Variants in SPTBN4 observed in about 807,000 individuals in gnomAD.
SPTBN4 encodes the protein spectrin beta, non-erythrocytic 4.
SPTBN4 carries 96 observed loss-of-function variants against 277.8 expected under a neutral mutation model. The ratio of observed to expected loss-of-function variants is 0.35; its 90% CI spans 0.29 to 0.41. The LOEUF is 0.41. Ranked by LOEUF, SPTBN4 falls within the 10% of genes least tolerant of loss-of-function variation. The probability of loss-of-function intolerance (pLI) is 1.00; values close to 1 mark genes in which losing one functional copy is unlikely to be tolerated. For missense variants in SPTBN4, 3,006 were observed against 3,595.7 expected, an observed-to-expected ratio of 0.84 and a Z score of 4.19; for synonymous variants, 1,481 against 1,580.3, an observed-to-expected ratio of 0.94 and a Z score of 1.49.
chr19:40,543,571 T>TG (rs1490090806), intron 20 of SPTBN4, among the ~76,000 whole-genome samples: 4 of 152,154 alleles, frequency 2.6e-5, no homozygotes, highest in Non-Finnish European at 5.9e-5. Context: ...TTCTTGAGTT[T>TG]GGGGTTTTGT....
Position 40,568,338 on chromosome 19 carries a change from T to TAGGA in SPTBN4, c.6956+58_6956+59insGAAG, listed in dbSNP as rs1022361174. Reference sequence around the variant, plus strand: ...AGGGGAGGGGAAAGCGGAGAGCTCCTAGAACCCCTCAGGCCCAGTGAAAGG... The same window carrying TAGGA: ...AGGGGAGGGGAAAGCGGAGAGCTCCTAGGAAGAACCCCTCAGGCCCAGTGAAAGG... On this transcript the variant is annotated intron_variant, in intron 31 of 35. Transcript: ENST00000598249. The TAGGA allele has an allele frequency of 3.3e-6, 5 of 1,516,990 alleles. No individual in the cohort carries two copies. In the Admixed American group the frequency reaches 1.1e-4, roughly 33 times the overall value. The allele number at this position is 1,516,990 out of a possible 1,614,324, so 94.0% of individuals were successfully genotyped here.
At chr19:40,468,271 T>A (rs1342028700) in intron 1 of SPTBN4, among the ~76,000 whole-genome samples, 2 of 151,460 alleles carry the variant, frequency 1.3e-5, no homozygotes, top group African/African-American at 4.9e-5. Context: ...GACATGGGGT[T>A]TCACTATGTT....
chr19:40,473,134 C>T (rs1007768826), intron 2 of SPTBN4, among the ~76,000 whole-genome samples: 1 of 152,048 alleles, frequency 6.6e-6, no homozygotes, highest in Non-Finnish European at 1.5e-5. Context: ...GCAATCTCCA[C>T]CTCACCGGCT....
At chr19:40,537,299 G>A (rs2080749752) in intron 20 of SPTBN4, among the ~76,000 whole-genome samples, 1 of 152,116 alleles carries the variant, frequency 6.6e-6, no homozygotes, top group Admixed American at 6.6e-5. Context: ...CATGAGCCAT[G>A]GCATCCAGAC....
In SPTBN4 at chr19:40,534,236, A is replaced by G; in HGVS notation, c.4252A>G (p.Ser1418Gly). 6.2e-7 allele frequency: 1 copy of G among 1,614,120 alleles called. No homozygotes were observed. The highest frequency in any genetic ancestry group is 8.5e-7 in the Non-Finnish European group (1 of 1,179,998). ...CAGCAAAGCAGACCAGCTGGTGCAG[A>G]GCTTTGCTGAGCTGGACAAGAAGCT... is the stretch of plus-strand genomic sequence containing the variant. ...EASKADQLVQ[S>G]FAELDKKLLH... Residue 1418 changes from serine (S) to glycine (G), a missense_variant, in exon 20 of 36, where the codon AGC becomes GGC. Ser to Gly is a moderately conservative substitution (Grantham distance 56). Transcript: ENST00000598249.
intron 13 of SPTBN4, 65 bp downstream of exon 13, chr19:40,506,451 A>T: frequency 6.5e-7 from 1 of 1,537,920 alleles, no homozygotes; most frequent in Non-Finnish European, 8.8e-7. Flanking sequence ...TAATAGAGGC[A>T]AGAGTGACTC....
chr19:40,490,179 G>T lies in SPTBN4; in HGVS notation c.426G>T (p.Ser142=), dbSNP rs147052708. Residue 142 remains serine, a synonymous_variant, in exon 4 of 36, where the codon TCG becomes TCT. Coordinates refer to ENST00000598249, the MANE Select transcript of SPTBN4 (RefSeq NM_020971.3). This position sits in a 1 kb window ranked among gnomAD's most constrained non-coding sequence, Gnocchi z 4.3. ...EQRVHLENVG[S]HDIVDGNHRL... Reference sequence around the variant, plus strand: ...GCGTGCACCTGGAGAACGTGGGTTCGCATGACATCGTGGATGGGAATCACC... The same window carrying T: ...GCGTGCACCTGGAGAACGTGGGTTCTCATGACATCGTGGATGGGAATCACC... 2 of 1,614,216 alleles carry T rather than the reference G, an allele frequency of 1.2e-6. No individual in the cohort carries two copies. The highest frequency in any genetic ancestry group is 1.7e-5 in the Admixed American group (1 of 60,022).
At position 40,568,011 on chromosome 19, in the gene SPTBN4, C is replaced by A. The variant is rs1245586987; in HGVS notation, c.6685C>A (p.Pro2229Thr). 2.6e-6 allele frequency: 4 copies of A among 1,534,872 alleles called. No individual in the cohort carries two copies. The highest frequency in any genetic ancestry group is 3.5e-6 in the Non-Finnish European group (4 of 1,142,414). Residue 2229 changes from proline to threonine, a missense_variant, in exon 31 of 36, where the codon CCA becomes ACA. Transcript: ENST00000598249. ...CCCCGCGGCGGCGGAGCAGGTGCGGCCACGACCGGAGCGCCAGGAGTCAGC... is the reference window on the plus strand; with the variant it reads ...CCCCGCGGCGGCGGAGCAGGTGCGGACACGACCGGAGCGCCAGGAGTCAGC... ...ATPAAAEQVR[P>T]RPERQESADR...
chr19:40,575,335 G>A, intron 35 of SPTBN4, 76 bp from the exon 36 acceptor site: 1 of 1,499,016 alleles, frequency 6.7e-7, no homozygotes, highest in Non-Finnish European at 9.0e-7. Context: ...AGAGAGGGTA[G>A]TCTGATCTGA....
At chr19:40,535,639 T>C (rs2080726556) in intron 20 of SPTBN4, among the ~76,000 whole-genome samples, 1 of 151,386 alleles carries the variant, frequency 6.6e-6, no homozygotes, top group Admixed American at 6.6e-5. Flanking sequence ...TGGCAAATAA[T>C]TATTAGGTAC....
rs1303128333 is a variant in SPTBN4, at chr19:40,515,900, A to AC, written c.2903+452_2903+453insC. ...CACACACACACACACACACACACACAAAATATATATATACACACACATATA... is the reference window on the plus strand; with the variant it reads ...CACACACACACACACACACACACACACAAATATATATATACACACACATATA... On this transcript the variant is annotated intron_variant, in intron 15 of 35. Transcript: ENST00000598249. This position sits in a 1 kb window ranked among gnomAD's most constrained non-coding sequence, Gnocchi z 4.1. 2.2e-5 allele frequency among the ~76,000 whole-genome samples: 3 copies of AC among 138,276 alleles called. No homozygotes were observed. The highest frequency in any genetic ancestry group is 2.3e-4 in the South Asian group (1 of 4,306). The allele number at this position is 138,276 out of a possible 152,430, so 90.7% of individuals were successfully genotyped here.
At chr19:40,564,722 C>T (rs1228374373) in intron 27 of SPTBN4, among the ~76,000 whole-genome samples, 2 of 150,870 alleles carry the variant, frequency 1.3e-5, no homozygotes, top group South Asian at 2.1e-4. Context: ...CTGTGGTCCC[C>T]GCTACTCAGG....
Position 40,554,545 on chromosome 19 carries a change from G to C in SPTBN4, c.4983G>C (p.Lys1661Asn). The change falls in exon 24 of 36, where the codon AAG (lysine) becomes AAC (asparagine). Residue 1661 changes from lysine to asparagine, a missense_variant. Coordinates refer to ENST00000598249, the MANE Select transcript of SPTBN4 (RefSeq NM_020971.3). This position sits in a 1 kb window ranked among gnomAD's most constrained non-coding sequence, Gnocchi z 5.7. ...AACAGAGCACCCTGCAGCTGCTCAA[G>C]AAACACCTGCAGCTGGAGCAAGGCG... ...KDEQSTLQLL[K>N]KHLQLEQGVE... is the part of the protein sequence containing the mutation. 1 of 1,496,936 alleles carries C rather than the reference G, an allele frequency of 6.7e-7. No homozygotes were observed. The highest frequency in any genetic ancestry group is 8.9e-7 in the Non-Finnish European group (1 of 1,119,548). 92.7% of individuals were successfully genotyped at this position (1,496,936 alleles called of 1,614,324 possible). A position where few individuals can be genotyped will look rare whatever the true frequency, so the allele number is the denominator to read the frequency against.
chr19:40,505,458 G>A (rs2080315591), intron 12 of SPTBN4, among the ~76,000 whole-genome samples: 2 of 151,532 alleles, frequency 1.3e-5, no homozygotes, highest in Admixed American at 6.6e-5. Context: ...TTGGGAGGCT[G>A]AGGCAGGCAG....
intron 2 of SPTBN4, among the ~76,000 whole-genome samples, chr19:40,477,504 A>G (rs2079962606): frequency 6.6e-6 from 1 of 152,124 alleles, no homozygotes. Context: ...GATGACCCAG[A>G]GGGGTCAGAG....
intron 16 of SPTBN4, among the ~76,000 whole-genome samples, chr19:40,522,446 G>A (rs2080538742): frequency 6.6e-6 from 1 of 150,602 alleles, no homozygotes; most frequent in Non-Finnish European, 1.5e-5. Context: ...TCCGCCTTCT[G>A]GGTTCAAGCG....
chr19:40,470,645 T>C (rs1568749251), intron 1 of SPTBN4, among the ~76,000 whole-genome samples: 1 of 151,298 alleles, frequency 6.6e-6, no homozygotes, highest in Non-Finnish European at 1.5e-5. Context: ...TTCTTCTTTT[T>C]TTCTTGAGAA....
chr19:40,516,016 C>T lies in SPTBN4; in HGVS notation c.2903+568C>T, dbSNP rs773030940. Among the ~76,000 whole-genome samples, 770 of 135,088 alleles carry T rather than the reference C, an allele frequency of 5.7e-3. 27 individuals carry two copies. The highest frequency in any genetic ancestry group is 0.026 in the South Asian group (104 of 3,932). 88.6% of individuals were successfully genotyped at this position (135,088 alleles called of 152,430 possible). ...ACACATATATACGTATATATACACA[C>T]ATATACGTATATATACACATATATA... is the stretch of plus-strand genomic sequence containing the variant. On this transcript the variant is annotated intron_variant, in intron 15 of 35. Coordinates refer to ENST00000598249, the MANE Select transcript of SPTBN4 (RefSeq NM_020971.3).
chr19:40,570,853 T>A, intron 33 of SPTBN4, 125 bp downstream of exon 33: 1 of 863,170 alleles, frequency 1.2e-6, no homozygotes, highest in Non-Finnish European at 1.5e-6. Context: ...CGGTAGTAGG[T>A]GGGGCCAGAG....
Sources: allele counts gnomAD v4.1 joint callset (sites outside exome capture counted in the v4.1 genomes callset), GRCh38; gene constraint gnomAD v4.1.1; non-coding constraint Gnocchi (gnomAD v3.1); transcripts MANE v1.5; gene names NCBI Gene and HGNC (gene_info 2026-07-23, HGNC 2026-07-21).